Variants in CEP350 observed in about 807,000 individuals in gnomAD.
The protein encoded by CEP350 is centrosome-associated protein 350.
Under a neutral mutation model 331.8 loss-of-function variants are expected in CEP350, and 126 were observed. That is an observed-to-expected ratio of 0.38 (90% CI 0.33 to 0.44). The LOEUF (loss-of-function observed/expected upper bound fraction) is 0.44. Ranked by LOEUF, CEP350 falls within the 20% of genes least tolerant of loss-of-function variation. The pLI is 1.00. For synonymous variants in CEP350, 1,200 were observed against 1,259.5 expected, an observed-to-expected ratio of 0.95 and a Z score of 1.00; for missense variants, 3,406 against 3,634.6, an observed-to-expected ratio of 0.94 and a Z score of 1.62.
rs1195041041 is a variant in CEP350 at position 180,093,161 on chromosome 1, A to G, written c.7056A>G (p.Glu2352=). The G allele has an allele frequency of 6.3e-7, 1 of 1,597,384 alleles. No individual in the cohort carries two copies. Among genetic ancestry groups the G allele is most frequent in the Non-Finnish European group, 8.5e-7 (1 of 1,170,878 alleles). ...PNIQSGKDIH[E]QKNTKEKDLS... ...TCCAATCAGGAAAAGACATTCACGA[A>G]CAAAAGAACACAAAGGAAAAAGATT... The change falls in exon 34 of 38, where the codon GAA becomes GAG. Residue 2352 remains glutamate, a synonymous_variant. Transcript: ENST00000367607.
chr1:180,104,031 A>C (rs1323474177), intron 37 of CEP350, among the ~76,000 whole-genome samples: 1 of 146,112 alleles, frequency 6.8e-6, no homozygotes, highest in South Asian at 2.1e-4. Context: ...ATTTTAAAAT[A>C]TATACAAAAT....
intron 13 of CEP350, 38 bp from the exon 14 acceptor site, chr1:180,024,380 CT>C (rs1364988743): frequency 6.4e-7 from 1 of 1,565,798 alleles, no homozygotes; most frequent in Non-Finnish European, 8.7e-7. Flanking sequence ...TGTTGTAAGA[CT>C]TTTCTTTCTG....
At chr1:180,044,665 C>A (rs1298668923) in intron 21 of CEP350, among the ~76,000 whole-genome samples, 1 of 98,062 alleles carries the variant, frequency 1.0e-5, no homozygotes. Context: ...CATCACACTC[C>A]GGGGACTGTT....
At chr1:180,034,378 G>A (rs1453014024) in intron 16 of CEP350, among the ~76,000 whole-genome samples, 1 of 151,912 alleles carries the variant, frequency 6.6e-6, no homozygotes, top group Non-Finnish European at 1.5e-5. Context: ...ATGTACGCAT[G>A]CACACACATA....
chr1:179,990,474 A>C (rs1408009821), intron 3 of CEP350, 33 bp from the exon 4 acceptor site: 6 of 1,119,468 alleles, frequency 5.4e-6, no homozygotes, highest in Non-Finnish European at 2.6e-6. Context: ...TTACAGAATT[A>C]ACTTATGTCT....
At chr1:180,016,996 A>G (rs1655023705) in intron 11 of CEP350, among the ~76,000 whole-genome samples, 1 of 152,082 alleles carries the variant, frequency 6.6e-6, no homozygotes, top group African/African-American at 2.4e-5. Flanking sequence ...TTGTCCCTAG[A>G]ATAATACTGT....
chr1:180,004,897 T>G (rs866304630), intron 7 of CEP350, among the ~76,000 whole-genome samples: 20 of 49,466 alleles, frequency 4.0e-4, no homozygotes, highest in African/African-American at 8.7e-4. Context: ...CTTGCTTGCT[T>G]GCTTGCTTGC....
At chr1:180,099,024 A>G in intron 37 of CEP350, 39 bp downstream of exon 37, 2 of 1,585,686 alleles carry the variant, frequency 1.3e-6, no homozygotes, top group African/African-American at 1.4e-5. Context: ...TTTTGACCAT[A>G]TCTTTTAAAC....
intron 25 of CEP350, among the ~76,000 whole-genome samples, chr1:180,056,593 C>T (rs1381047787): frequency 3.3e-5 from 5 of 151,630 alleles, no homozygotes; most frequent in African/African-American, 7.3e-5. Context: ...CCTAAGCCTC[C>T]CCTGTAGCTG....
intron 13 of CEP350, 89 bp from the exon 14 acceptor site, chr1:180,024,330 T>C: frequency 8.4e-7 from 1 of 1,195,612 alleles, no homozygotes; most frequent in Non-Finnish European, 1.2e-6. Context: ...TATAGTCTCC[T>C]AGTGATTACA....
chr1:180,065,363 G>C, intron 27 of CEP350, 91 bp downstream of exon 27: 1 of 1,257,440 alleles, frequency 8.0e-7, no homozygotes, highest in Non-Finnish European at 1.1e-6. Flanking sequence ...AGATTAGATT[G>C]AGACAAAATA....
chr1:180,025,953 A>C (rs1655644140), intron 14 of CEP350, among the ~76,000 whole-genome samples: 1 of 152,178 alleles, frequency 6.6e-6, no homozygotes, highest in African/African-American at 2.4e-5. Flanking sequence ...ATTGAGCTAA[A>C]AGTCTTCAGG....
chr1:180,075,784 G>A (rs1253489401), intron 28 of CEP350, among the ~76,000 whole-genome samples: 2 of 151,442 alleles, frequency 1.3e-5, no homozygotes, highest in African/African-American at 4.9e-5. Context: ...GTGAAACCCC[G>A]TCTCTACTAA....
intron 36 of CEP350, among the ~76,000 whole-genome samples, chr1:180,098,475 G>A (rs757356665): frequency 6.6e-6 from 1 of 152,034 alleles, no homozygotes; most frequent in Non-Finnish European, 1.5e-5. Context: ...TGAGTAGCCA[G>A]AACTACAGTC....
At chr1:180,042,170 C>T (rs1212117320) in intron 19 of CEP350, among the ~76,000 whole-genome samples, 4 of 116,082 alleles carry the variant, frequency 3.4e-5, no homozygotes, top group African/African-American at 5.7e-5. Context: ...ACACACACAT[C>T]TCCCTATAAC....
intron 1 of CEP350, among the ~76,000 whole-genome samples, chr1:179,962,378 T>C (rs1451814210): frequency 7.2e-5 from 11 of 152,126 alleles, no homozygotes; most frequent in African/African-American, 2.4e-4. Flanking sequence ...CCACATTTTC[T>C]TTATCTAATC....
At chr1:179,981,508 C>T (rs1339136611) in intron 1 of CEP350, among the ~76,000 whole-genome samples, 1 of 152,022 alleles carries the variant, frequency 6.6e-6, no homozygotes, top group Non-Finnish European at 1.5e-5. Flanking sequence ...TTTTTTATTG[C>T]ACTTTTTTCA....
chr1:180,039,257 A>G (rs1211610290), intron 17 of CEP350, among the ~76,000 whole-genome samples: 2 of 94,498 alleles, frequency 2.1e-5, no homozygotes, highest in African/African-American at 3.8e-5. Context: ...CAAAAAAAAA[A>G]GGAAGAAAGG....
Position 180,093,895 on chromosome 1 carries a change from A to G in CEP350, c.7790A>G (p.Asp2597Gly). Residue 2597 changes from aspartate to glycine, a missense_variant, in exon 34 of 38, where the codon GAT becomes GGT. Coordinates refer to ENST00000367607, the MANE Select transcript of CEP350 (RefSeq NM_014810.5). The stretch of plus-strand genomic sequence containing the variant: ...CAGTGCTATAATCAAGAGCAAAATG[A>G]TACAGAGGGTCCAAAAGACAGAGAA... Reference protein sequence around the residue: ...RYQCYNQEQNDTEGPKDREKD... With the variant: ...RYQCYNQEQNGTEGPKDREKD... 1.2e-6 allele frequency: 2 copies of G among 1,613,928 alleles called. No homozygotes were observed. Among genetic ancestry groups the G allele is most frequent in the Non-Finnish European group, 1.7e-6 (2 of 1,179,866 alleles).
Sources: allele counts gnomAD v4.1 joint callset (sites outside exome capture counted in the v4.1 genomes callset), GRCh38; gene constraint gnomAD v4.1.1; transcripts MANE v1.5; gene names NCBI Gene and HGNC (gene_info 2026-07-23, HGNC 2026-07-21).